The following ASB2 variants were observed in gnomAD, a reference collection of about 807,000 sequenced individuals.
The protein encoded by ASB2 is ankyrin repeat and SOCS box containing 2, also known as ankyrin repeat and SOCS box protein 2.
Under a neutral mutation model 62.4 loss-of-function variants are expected in ASB2, and 58 were observed. That is an observed-to-expected ratio of 0.93 (90% CI 0.75 to 1.16). ASB2 has a LOEUF of 1.16. Ranked by LOEUF, ASB2 falls within the 50% of genes most tolerant of loss-of-function variation. The probability of loss-of-function intolerance (pLI) is 0.00; values close to 1 mark genes in which losing one functional copy is unlikely to be tolerated. For synonymous variants in ASB2, 386 were observed against 385.3 expected, an observed-to-expected ratio of 1.00 and a Z score of -0.02; for missense variants, 928 against 887.9, an observed-to-expected ratio of 1.05 and a Z score of -0.57.
At chr14:93,947,814 T>TG (rs1221297596) in intron 6 of ASB2, among the ~76,000 whole-genome samples, 1 of 151,260 alleles carries the variant, frequency 6.6e-6, no homozygotes, top group Non-Finnish European at 1.5e-5. Context: ...GCCAACATGG[T>TG]GAAACCCTGT....
intron 1 of ASB2, among the ~76,000 whole-genome samples, chr14:93,972,200 A>G (rs546635341): frequency 1.4e-4 from 19 of 140,176 alleles, no homozygotes; most frequent in Non-Finnish European, 2.6e-4. Flanking sequence ...GGAGTCAGGA[A>G]CTGGGCTGTT....
At chr14:93,944,622 G>A (rs897661606) in intron 7 of ASB2, among the ~76,000 whole-genome samples, 8 of 152,362 alleles carry the variant, frequency 5.3e-5, no homozygotes, top group Admixed American at 5.2e-4. Flanking sequence ...GGCTCTGCCT[G>A]GTGGCAGAAG....
chr14:93,939,754 C>T (rs1052244823), intron 7 of ASB2, 82 bp from the exon 8 acceptor site: 1 of 1,132,402 alleles, frequency 8.8e-7, no homozygotes, highest in Non-Finnish European at 1.2e-6. Flanking sequence ...CAGGAGAGCT[C>T]GGGCGCCAGG....
At chr14:93,951,286 A>G (rs1429117372) in intron 5 of ASB2, 42 bp from the exon 6 acceptor site, 2 of 1,560,146 alleles carry the variant, frequency 1.3e-6, no homozygotes, top group South Asian at 2.3e-5. Flanking sequence ...AGGGCCTGGC[A>G]GGAACTGGCC....
chr14:93,974,584 G>A (rs750817719), intron 1 of ASB2, among the ~76,000 whole-genome samples: 5 of 152,228 alleles, frequency 3.3e-5, no homozygotes, highest in Non-Finnish European at 5.9e-5. Context: ...CTGGGTGCAC[G>A]ATGGTCCTGT....
intron 7 of ASB2, chr14:93,941,691 C>T (rs936352786): frequency 2.2e-6 from 1 of 455,988 alleles, no homozygotes; most frequent in African/African-American, 2.0e-5. Context: ...CGGGAAAGAA[C>T]AGTGAGAGGG....
intron 2 of ASB2, among the ~76,000 whole-genome samples, chr14:93,958,158 C>T (rs865913309): frequency 1.3e-5 from 2 of 152,232 alleles, no homozygotes; most frequent in Non-Finnish European, 2.9e-5. Context: ...TCATCCTCGC[C>T]GCTGTCACGC....
At chr14:93,954,944 T>A (rs1160059665) in intron 3 of ASB2, among the ~76,000 whole-genome samples, 1 of 152,164 alleles carries the variant, frequency 6.6e-6, no homozygotes, top group African/African-American at 2.4e-5. Flanking sequence ...AAAAAAAATA[T>A]ATACTGGAAG....
intron 4 of ASB2, among the ~76,000 whole-genome samples, chr14:93,953,782 CCATTGCTG>C (rs112763457): frequency 0.054 from 8,176 of 152,240 alleles, 709 homozygotes; most frequent in African/African-American, 0.18. Flanking sequence ...CTCACACCAG[CCATTGCTG>C]GAAACCCACT....
At chr14:93,969,436 A>G (rs1224152958) in intron 1 of ASB2, among the ~76,000 whole-genome samples, 1 of 152,250 alleles carries the variant, frequency 6.6e-6, no homozygotes, top group Non-Finnish European at 1.5e-5. Context: ...GGACAAGGTC[A>G]GAGCACCTAT....
rs2141285611 is a variant in ASB2, at chr14:93,947,525, G to A, written c.881-5C>T. 2 of 1,613,250 alleles carry A rather than the reference G, an allele frequency of 1.2e-6. No individual in the cohort carries two copies. The highest frequency in any genetic ancestry group is 4.5e-5 in the East Asian group (2 of 44,874). On this transcript the variant is annotated splice_polypyrimidine_tract_variant and splice_region_variant and intron_variant, in intron 6 of 9. Transcript: ENST00000555019. ...CCTGCGTGTTGATGTCAGCACCTGG[G>A]GAAGGAGAAGAGATCAGCAAGTGGC...
At chr14:93,940,757 T>C (rs1485013214) in intron 7 of ASB2, among the ~76,000 whole-genome samples, 1 of 152,212 alleles carries the variant, frequency 6.6e-6, no homozygotes, top group East Asian at 1.9e-4. Context: ...CTCAGCACTT[T>C]ACCTCTATTC....
chr14:93,954,317 C>A lies in ASB2; in HGVS notation c.478G>T (p.Ala160Ser), dbSNP rs780000962. ...QVGCLKVLQR[A>S]YPGTIDQRTL... ...GCCACCGTCAGAGCCCAGCCCTCACCTCGCTGCAGGACTTTCAGGCAGCCC... is the reference window on the plus strand; with the variant it reads ...GCCACCGTCAGAGCCCAGCCCTCACATCGCTGCAGGACTTTCAGGCAGCCC... Residue 160 changes from alanine (A) to serine (S), a missense_variant and splice_region_variant, in exon 4 of 10, where the codon GCG (alanine) becomes TCG (serine). Coordinates refer to ENST00000555019, the MANE Select transcript of ASB2 (RefSeq NM_001202429.2). 3 of 1,612,708 alleles carry A rather than the reference C, an allele frequency of 1.9e-6. No homozygotes were observed. The highest frequency in any genetic ancestry group is 2.5e-6 in the Non-Finnish European group (3 of 1,179,642).
intron 6 of ASB2, among the ~76,000 whole-genome samples, chr14:93,949,910 C>T (rs1004301064): frequency 1.3e-5 from 2 of 152,140 alleles, no homozygotes; most frequent in Non-Finnish European, 2.9e-5. Context: ...CCTATGTTCC[C>T]CACTGCTCAG....
intron 2 of ASB2, among the ~76,000 whole-genome samples, chr14:93,959,784 A>C (rs904442455): frequency 2.6e-5 from 4 of 151,254 alleles, no homozygotes; most frequent in Non-Finnish European, 5.9e-5. Context: ...CCTCTCGGTG[A>C]GTCAATGGAT....
intron 1 of ASB2, among the ~76,000 whole-genome samples, chr14:93,973,768 A>G (rs886080159): frequency 2.6e-5 from 4 of 152,002 alleles, no homozygotes; most frequent in Admixed American, 2.6e-4. Context: ...CCTGACCCAT[A>G]TTCTGCCCAG....
At chr14:93,970,721 C>T (rs1033581094) in intron 1 of ASB2, among the ~76,000 whole-genome samples, 4 of 152,124 alleles carry the variant, frequency 2.6e-5, no homozygotes, top group African/African-American at 4.8e-5. Context: ...CAGTGGTAGA[C>T]GGTGGCACGG....
Position 93,934,812 on chromosome 14 carries a change from A to T in ASB2, c.1772-20T>A. 1 of 1,607,186 alleles carries T rather than the reference A, an allele frequency of 6.2e-7. No individual in the cohort carries two copies. The highest frequency in any genetic ancestry group is 8.5e-7 in the Non-Finnish European group (1 of 1,173,752). ...GAGGTTCTGAAAAAAGGAGGGAAAGACAGAGGCTGATTTGTCATTTGCAAT... is the reference window on the plus strand; with the variant it reads ...GAGGTTCTGAAAAAAGGAGGGAAAGTCAGAGGCTGATTTGTCATTTGCAAT... On this transcript the variant is annotated intron_variant, in intron 9 of 9. Transcript: ENST00000555019.
chr14:93,950,612 G>A (rs945609993), intron 6 of ASB2, among the ~76,000 whole-genome samples: 1 of 152,202 alleles, frequency 6.6e-6, no homozygotes, highest in Non-Finnish European at 1.5e-5. Flanking sequence ...CGGTTGGGGT[G>A]TCAGGAGACC....
Sources: gnomAD v4.1 joint callset for allele counts (sites outside exome capture counted in the v4.1 genomes callset) on GRCh38, gnomAD v4.1.1 for gene constraint, MANE v1.5 for transcripts, NCBI Gene and HGNC (gene_info 2026-07-23, HGNC 2026-07-21) for gene names.